Variants in ERICH2 observed in about 807,000 individuals in gnomAD.
ERICH2 encodes glutamate rich 2.
Under a neutral mutation model 17.4 loss-of-function variants are expected in ERICH2, and 17 were observed. The ratio of observed to expected loss-of-function variants is 0.98; its 90% confidence interval spans 0.67 to 1.47. The LOEUF (loss-of-function observed/expected upper bound fraction) is 1.47, where lower values mean the gene tolerates loss of function less well. Ranked by LOEUF, ERICH2 falls within the 40% of genes most tolerant of loss-of-function variation. ERICH2 has a pLI of 0.00. For missense variants in ERICH2, 186 were observed against 183.2 expected, an observed-to-expected ratio of 1.01 and a Z score of -0.09; for synonymous variants, 51 against 61.1, an observed-to-expected ratio of 0.83 and a Z score of 0.77.
chr2:170,771,870 T>A, the ERICH2 span, among the ~76,000 whole-genome samples: 1 of 152,224 alleles, frequency 6.6e-6, no homozygotes, highest in Non-Finnish European at 1.5e-5. This position sits in a 1 kb window ranked among gnomAD's most constrained non-coding sequence, Gnocchi z 4.8. Context: ...ATTTATTGTT[T>A]GGCATAGGTG....
At chr2:170,784,791 C>T (rs545068241) in exon 2 of ERICH2, 1 of 1,533,552 alleles carries the variant, frequency 6.5e-7, no homozygotes, top group African/African-American at 1.4e-5. Context: ...AAGATAGTAA[C>T]CCTAAAAAGA....
intron 3 of ERICH2, among the ~76,000 whole-genome samples, chr2:170,796,452 T>TTTTTC (rs373654461): frequency 1.0e-4 from 14 of 138,390 alleles, no homozygotes; most frequent in Middle Eastern, 7.5e-3. Context: ...TTTTTTTTTT[T>TTTTTC]TGAGACAGCG....
chr2:170,773,348 T>A, the ERICH2 span, among the ~76,000 whole-genome samples: 1 of 152,236 alleles, frequency 6.6e-6, no homozygotes, highest in African/African-American at 2.4e-5. Context: ...TCTGTGTCAC[T>A]GTCATAATTT....
intron 3 of ERICH2, among the ~76,000 whole-genome samples, chr2:170,797,811 AAAAG>A (rs1553569267): frequency 2.4e-4 from 33 of 136,796 alleles, no homozygotes; most frequent in African/African-American, 8.1e-4. Context: ...AAAAAAAAAA[AAAAG>A]AAAGAAAGAA....
chr2:170,790,868 A>C (rs189743079), intron 2 of ERICH2, among the ~76,000 whole-genome samples: 1 of 152,236 alleles, frequency 6.6e-6, no homozygotes, highest in African/African-American at 2.4e-5. Flanking sequence ...CTAATTATTA[A>C]AATTTTGAAA....
intron 1 of ERICH2, chr2:170,783,906 G>A: frequency 1.3e-6 from 2 of 1,550,324 alleles, no homozygotes; most frequent in Non-Finnish European, 1.7e-6. Context: ...TCATACTCTT[G>A]GAAGAACTTG....
At chr2:170,788,874 C>A (rs1000956675) in intron 2 of ERICH2, among the ~76,000 whole-genome samples, 20 of 152,106 alleles carry the variant, frequency 1.3e-4, no homozygotes, top group African/African-American at 4.3e-4. Context: ...TAACATTGTG[C>A]CTCATTTGCT....
chr2:170,778,351 A>C, the ERICH2 span, among the ~76,000 whole-genome samples: 1 of 152,170 alleles, frequency 6.6e-6, no homozygotes, highest in African/African-American at 2.4e-5. Flanking sequence ...ATTTGTGGGG[A>C]TTACTGACAA....
intron 2 of ERICH2, among the ~76,000 whole-genome samples, chr2:170,788,609 C>T (rs1301710736): frequency 6.6e-6 from 1 of 151,808 alleles, no homozygotes; most frequent in Non-Finnish European, 1.5e-5. Context: ...GTACCTGGGA[C>T]TACAGGTGCA....
the ERICH2 span, among the ~76,000 whole-genome samples, chr2:170,774,467 A>G: frequency 6.6e-6 from 1 of 152,102 alleles, no homozygotes; most frequent in African/African-American, 2.4e-5. Flanking sequence ...AGATGGAAGA[A>G]TGGAATCTTA....
intron 3 of ERICH2, among the ~76,000 whole-genome samples, chr2:170,796,644 G>A (rs573999359): frequency 2.6e-5 from 4 of 151,962 alleles, no homozygotes; most frequent in African/African-American, 4.8e-5. Context: ...AGCAGGTTGC[G>A]AAGGCTGGTC....
At chr2:170,781,477 T>C (rs779117944), upstream of ERICH2, among the ~76,000 whole-genome samples, 3 of 151,660 alleles carry the variant, frequency 2.0e-5, no homozygotes, top group Non-Finnish European at 4.4e-5. Flanking sequence ...CTACTAAAAA[T>C]AGAAAAATTA....
At chr2:170,772,062 G>A in the ERICH2 span, among the ~76,000 whole-genome samples, 2 of 151,970 alleles carry the variant, frequency 1.3e-5, no homozygotes, top group Non-Finnish European at 2.9e-5. Context: ...AAATAGTTTT[G>A]GTTTTTGTAA....
chr2:170,778,867 G>A (rs1468132907), upstream of ERICH2, among the ~76,000 whole-genome samples: 1 of 152,162 alleles, frequency 6.6e-6, no homozygotes, highest in Non-Finnish European at 1.5e-5. Flanking sequence ...TGGAACTGGA[G>A]CAAGGGGTGT....
upstream of ERICH2, among the ~76,000 whole-genome samples, chr2:170,782,850 G>C (rs758994642): frequency 3.1e-4 from 47 of 152,164 alleles, no homozygotes; most frequent in Non-Finnish European, 6.0e-4. Flanking sequence ...GGAGACCAAG[G>C]CAAGAGGATC....
chr2:170,786,909 A>T (rs112354622), intron 2 of ERICH2, among the ~76,000 whole-genome samples: 3 of 152,308 alleles, frequency 2.0e-5, no homozygotes, highest in African/African-American at 7.2e-5. Flanking sequence ...CATATGGCAT[A>T]TAATAGCTGT....
the ERICH2 span, among the ~76,000 whole-genome samples, chr2:170,773,250 T>C: frequency 6.6e-6 from 1 of 152,352 alleles, no homozygotes; most frequent in African/African-American, 2.4e-5. Flanking sequence ...TGTAAACTGA[T>C]TTCTTCCCAA....
At chr2:170,772,749 G>T in the ERICH2 span, among the ~76,000 whole-genome samples, 47 of 152,298 alleles carry the variant, frequency 3.1e-4, no homozygotes, top group East Asian at 8.5e-3. Flanking sequence ...ATAGAGGATA[G>T]TGCTTAATCA....
At chr2:170,778,826 G>A (rs1324496649), upstream of ERICH2, among the ~76,000 whole-genome samples, 1 of 152,130 alleles carries the variant, frequency 6.6e-6, no homozygotes, top group African/African-American at 2.4e-5. Context: ...GTATCAATGA[G>A]CCCCAATGTT....
Sources: gnomAD v4.1 joint callset for allele counts (sites outside exome capture counted in the v4.1 genomes callset) on GRCh38, gnomAD v4.1.1 for gene constraint, Gnocchi (gnomAD v3.1) non-coding constraint, MANE v1.5 for transcripts, NCBI Gene and HGNC (gene_info 2026-07-23, HGNC 2026-07-21) for gene names.